PLA2G5: variants seen among roughly 807,000 people sequenced by gnomAD.
PLA2G5 encodes phospholipase A2 group V.
Under a neutral mutation model 15.9 loss-of-function variants are expected in PLA2G5, and 12 were observed. The ratio of observed to expected loss-of-function variants is 0.76; its 90% CI spans 0.48 to 1.23. The LOEUF is 1.23. Ranked by LOEUF, PLA2G5 falls within the 50% of genes most tolerant of loss-of-function variation. The pLI is 0.00. For synonymous variants in PLA2G5, 71 were observed against 71.4 expected, an observed-to-expected ratio of 0.99 and a Z score of 0.03; for missense variants, 169 against 177.1, an observed-to-expected ratio of 0.95 and a Z score of 0.26.
At chr1:20,030,796 A>G (rs2012877716) in intron 1 of PLA2G5, among the ~76,000 whole-genome samples, 1 of 152,146 alleles carries the variant, frequency 6.6e-6, no homozygotes, top group Non-Finnish European at 1.5e-5. Flanking sequence ...CTGCCTGCAA[A>G]CACATTTTTA....
chr1:20,091,035 T>C lies in PLA2G5; in HGVS notation c.*343T>C. 4.8e-6 allele frequency: 1 copy of C among 209,620 alleles called. No homozygotes were observed. Among genetic ancestry groups the C allele is most frequent in the Non-Finnish European group, 9.6e-6 (1 of 104,234 alleles). 13.0% of individuals were successfully genotyped at this position (209,620 alleles called of 1,614,324 possible). A position where few individuals can be genotyped will look rare whatever the true frequency, so the allele number is the denominator to read the frequency against. On this transcript the variant is annotated 3_prime_UTR_variant, in exon 5 of 5. Transcript: ENST00000375108. ...TTGGAACACTTTCCTGAGATGCACT[T>C]ACTTCTCAGCTTCTGCGATCAGATT...
rs1285906591 is a variant in PLA2G5, at chr1:20,071,873, C to T, written c.-11+1408C>T. Among the ~76,000 whole-genome samples the T allele has an allele frequency of 3.9e-5, 6 of 152,182 alleles. No individual in the cohort carries two copies. The Middle Eastern group carries it at 0.014, about 345-fold the overall frequency. On this transcript the variant is annotated intron_variant, in intron 1 of 4. Transcript: ENST00000375108. ...CTGTAATCCCAGCACTTTGGGAGGC[C>T]GACGTGGGTGGATCACTTGAGGCCA...
intron 1 of PLA2G5, among the ~76,000 whole-genome samples, chr1:20,033,777 T>G (rs929728404): frequency 2.0e-5 from 3 of 152,066 alleles, no homozygotes; most frequent in Non-Finnish European, 4.4e-5. Flanking sequence ...AGGGCATTTT[T>G]TTTTTAAAGT....
upstream of PLA2G5, among the ~76,000 whole-genome samples, chr1:20,066,687 T>A (rs2015049543): frequency 6.6e-6 from 1 of 152,212 alleles, no homozygotes; most frequent in African/African-American, 2.4e-5. Flanking sequence ...ATATGTAAGA[T>A]ATTGGTATTT....
At chr1:20,069,819 CA>C (rs1036807027), upstream of PLA2G5, among the ~76,000 whole-genome samples, 4 of 152,056 alleles carry the variant, frequency 2.6e-5, no homozygotes, top group African/African-American at 7.2e-5. Context: ...AAAAAGCCAA[CA>C]AATTGGATAT....
chr1:20,050,768 A>G (rs2014142553), intron 1 of PLA2G5, among the ~76,000 whole-genome samples: 2 of 152,256 alleles, frequency 1.3e-5, no homozygotes, highest in Admixed American at 1.3e-4. Flanking sequence ...CTTATTTTAC[A>G]ATGACTTCTG....
At chr1:20,076,193 G>T (rs11573218) in intron 1 of PLA2G5, among the ~76,000 whole-genome samples, 1 of 151,984 alleles carries the variant, frequency 6.6e-6, no homozygotes, top group Non-Finnish European at 1.5e-5. Flanking sequence ...TGTCTGTCTA[G>T]GATCTCTTAG....
At chr1:20,088,360 C>CA (rs890110371) in intron 3 of PLA2G5, among the ~76,000 whole-genome samples, 1,166 of 99,048 alleles carry the variant, frequency 0.012, 5 homozygotes, top group Middle Eastern at 0.018. Flanking sequence ...AACTCCGTTT[C>CA]AAAAAAAAAA....
intron 1 of PLA2G5, among the ~76,000 whole-genome samples, chr1:20,043,589 G>A (rs938678740): frequency 1.3e-5 from 2 of 152,102 alleles, no homozygotes; most frequent in Admixed American, 6.5e-5. Flanking sequence ...AAGAAGGGTG[G>A]CAATGAGCTG....
chr1:20,080,765 T>C (rs1336377968), intron 1 of PLA2G5, among the ~76,000 whole-genome samples: 1 of 151,808 alleles, frequency 6.6e-6, no homozygotes, highest in Non-Finnish European at 1.5e-5. Flanking sequence ...AGCCCCGGCC[T>C]CTTCTGTGGG....
intron 1 of PLA2G5, among the ~76,000 whole-genome samples, chr1:20,041,042 C>A (rs1289243640): frequency 1.3e-5 from 2 of 152,202 alleles, no homozygotes; most frequent in Non-Finnish European, 2.9e-5. Context: ...TCATCAGTAC[C>A]TCCTGAGGCT....
At chr1:20,066,454 C>T (rs1224174457), upstream of PLA2G5, among the ~76,000 whole-genome samples, 1 of 152,218 alleles carries the variant, frequency 6.6e-6, no homozygotes. Flanking sequence ...TCAGTGGTAT[C>T]ATGTTGGTAA....
intron 1 of PLA2G5, among the ~76,000 whole-genome samples, chr1:20,052,194 AAT>A (rs1416856663): frequency 7.9e-4 from 116 of 146,362 alleles, no homozygotes; most frequent in East Asian, 4.8e-3. Flanking sequence ...AAAAAAAAAA[AAT>A]GGGAAACTGG....
intron 1 of PLA2G5, among the ~76,000 whole-genome samples, chr1:20,035,408 A>G (rs1419879299): frequency 6.6e-6 from 1 of 152,206 alleles, no homozygotes; most frequent in African/African-American, 2.4e-5. Flanking sequence ...CCAGCAGAAT[A>G]TAAGAGACAG....
chr1:20,084,736 C>T, intron 1 of PLA2G5, 85 bp from the exon 2 acceptor site: 1 of 866,330 alleles, frequency 1.2e-6, no homozygotes, highest in Non-Finnish European at 2.0e-6. Context: ...ATAGATGGGG[C>T]CTGGTGGAGA....
Position 20,088,015 on chromosome 1 carries a change from A to G in PLA2G5, c.186-1774A>G, listed in dbSNP as rs374326001. 3.1e-4 allele frequency among the ~76,000 whole-genome samples: 47 copies of G among 152,358 alleles called. No individual in the cohort carries two copies. In the East Asian group the frequency reaches 7.7e-3, roughly 25 times the overall value. Reference sequence around the variant, plus strand: ...AACCAGTACCCCCTCAAAACAGTCAAGAACAAGGAAAGCATGAGGAACTGC... The same window carrying G: ...AACCAGTACCCCCTCAAAACAGTCAGGAACAAGGAAAGCATGAGGAACTGC... On this transcript the variant is annotated intron_variant, in intron 3 of 4. Transcript: ENST00000375108.
rs372089343 is a variant in PLA2G5 at position 20,065,072 on chromosome 1, A to G, written n.338-3801A>G. 1.2e-3 allele frequency among the ~76,000 whole-genome samples: 177 copies of G among 152,322 alleles called. 4 individuals carry two copies. The South Asian group carries it at 0.034, about 29-fold the overall frequency. On this transcript the variant is annotated intron_variant and non_coding_transcript_variant, in intron 2 of 6. Transcript: ENST00000460175. ...TTGCATTGTAATGAGAATGCACGCA[A>G]TAACTTCAGGACATTTATGACAATA...
upstream of PLA2G5, among the ~76,000 whole-genome samples, chr1:20,067,458 C>T (rs767758846): frequency 7.2e-5 from 11 of 151,962 alleles, no homozygotes; most frequent in Admixed American, 1.3e-4. Flanking sequence ...GAGGCCGAGG[C>T]GGGCAGCTTG....
intron 1 of PLA2G5, among the ~76,000 whole-genome samples, chr1:20,038,456 C>T (rs948733056): frequency 6.6e-6 from 1 of 152,202 alleles, no homozygotes; most frequent in East Asian, 1.9e-4. Flanking sequence ...CAGGACTCTT[C>T]CTGCTGCTTC....
Sources: gnomAD v4.1 joint callset for allele counts (sites outside exome capture counted in the v4.1 genomes callset) on GRCh38, gnomAD v4.1.1 for gene constraint, MANE v1.5 for transcripts, NCBI Gene and HGNC (gene_info 2026-07-23, HGNC 2026-07-21) for gene names.